Variants in MTFMT observed in about 807,000 individuals in gnomAD.
The protein encoded by MTFMT is methionyl-tRNA formyltransferase, mitochondrial.
A neutral mutation model predicts 51.8 loss-of-function variants in MTFMT; 47 were observed. The ratio of observed to expected loss-of-function variants is 0.91; its 90% confidence interval spans 0.72 to 1.16. The LOEUF is 1.16. Among genes scored for constraint, MTFMT ranks in the 50% most tolerant of loss-of-function variants. MTFMT has a pLI of 0.00. For missense variants in MTFMT, 512 were observed against 482.3 expected, an observed-to-expected ratio of 1.06 and a Z score of -0.58; for synonymous variants, 196 against 176.7, an observed-to-expected ratio of 1.11 and a Z score of -0.87.
chr15:65,022,345 C>T (rs144530371), intron 3 of MTFMT, among the ~76,000 whole-genome samples: 2,540 of 151,840 alleles, frequency 0.017, 31 homozygotes, highest in Admixed American at 0.024. Flanking sequence ...CCTAGCTATT[C>T]GGGAGGCTGC....
chr15:65,020,603 C>T (rs1013868611), intron 4 of MTFMT, among the ~76,000 whole-genome samples: 1 of 152,076 alleles, frequency 6.6e-6, no homozygotes, highest in Admixed American at 6.6e-5. Flanking sequence ...CAGGATAGCC[C>T]GGGCTTGGCT....
chr15:65,009,283 G>T (rs965434773), intron 6 of MTFMT, among the ~76,000 whole-genome samples: 4 of 152,188 alleles, frequency 2.6e-5, no homozygotes, highest in African/African-American at 9.6e-5. Context: ...GGTGCCAAGA[G>T]ATTTCAAGCT....
At chr15:65,012,322 T>TA (rs962117992) in intron 6 of MTFMT, among the ~76,000 whole-genome samples, 1 of 145,476 alleles carries the variant, frequency 6.9e-6, no homozygotes, top group Non-Finnish European at 1.5e-5. Flanking sequence ...ATAATAATAA[T>TA]AAAAAGAACT....
chr15:65,005,139 C>G (rs2086211624), intron 7 of MTFMT, among the ~76,000 whole-genome samples: 1 of 152,196 alleles, frequency 6.6e-6, no homozygotes, highest in Non-Finnish European at 1.5e-5. Context: ...GAAAGCTTCC[C>G]ATGCACATAC....
intron 6 of MTFMT, among the ~76,000 whole-genome samples, chr15:65,008,877 G>A (rs1022798241): frequency 1.3e-5 from 2 of 152,284 alleles, no homozygotes; most frequent in Non-Finnish European, 1.5e-5. Flanking sequence ...TTTACTGAGA[G>A]TAATAAACAT....
intron 2 of MTFMT, chr15:65,025,999 G>C (rs2086420389): frequency 6.6e-6 from 1 of 152,218 alleles, no homozygotes; most frequent in Non-Finnish European, 1.5e-5. Flanking sequence ...GCCCAGGCGA[G>C]TTGAGCAAAG....
intron 2 of MTFMT, among the ~76,000 whole-genome samples, chr15:65,025,255 GTT>G (rs2086412349): frequency 7.4e-6 from 1 of 135,990 alleles, no homozygotes; most frequent in Non-Finnish European, 1.6e-5. Flanking sequence ...AAAAAAAAGA[GTT>G]AGCTGGGTGT....
intron 6 of MTFMT, among the ~76,000 whole-genome samples, chr15:65,010,925 G>C (rs747780483): frequency 1.3e-5 from 2 of 152,106 alleles, no homozygotes; most frequent in Non-Finnish European, 2.9e-5. Context: ...GGTGTGAAGT[G>C]GTATCTCATT....
chr15:65,003,716 C>T (rs188713395), intron 8 of MTFMT, among the ~76,000 whole-genome samples: 12 of 151,642 alleles, frequency 7.9e-5, no homozygotes, highest in South Asian at 2.1e-4. Flanking sequence ...ATTAGCCAGG[C>T]GTGGTGGCGG....
intron 6 of MTFMT, among the ~76,000 whole-genome samples, chr15:65,011,030 T>C (rs556427254): frequency 2.7e-5 from 4 of 150,472 alleles, no homozygotes; most frequent in African/African-American, 9.7e-5. Context: ...TTGAAACAAA[T>C]GTCTACTCAG....
intron 8 of MTFMT, 66 bp from the exon 9 acceptor site, chr15:65,003,322 AG>A (rs2086193015): frequency 7.9e-7 from 1 of 1,262,122 alleles, no homozygotes; most frequent in African/African-American, 1.5e-5. Context: ...AGTAAATATT[AG>A]TTTATAAAAT....
chr15:65,026,296 C>T, intron 2 of MTFMT: 1 of 191,320 alleles, frequency 5.2e-6, no homozygotes. Context: ...CAGCTGCTGG[C>T]TTACCAATGG....
rs574735263 is a variant in MTFMT at position 65,003,657 on chromosome 15, G to A, written c.976-401C>T. Among the ~76,000 whole-genome samples the A allele has an allele frequency of 1.3e-3, 200 of 151,894 alleles. 1 individual carries two copies. The highest frequency in any genetic ancestry group is 4.5e-3 in the African/African-American group (187 of 41,432). ...GGATCACCTGAGGTCAGGAATTCGTGACCAGCCTGACCAACATGGCGAAAC... is the reference window on the plus strand; with the variant it reads ...GGATCACCTGAGGTCAGGAATTCGTAACCAGCCTGACCAACATGGCGAAAC... On this transcript the variant is annotated intron_variant, in intron 8 of 8. Transcript: ENST00000220058.
chr15:65,014,471 G>A (rs2086299334), intron 6 of MTFMT, among the ~76,000 whole-genome samples: 1 of 151,718 alleles, frequency 6.6e-6, no homozygotes, highest in Non-Finnish European at 1.5e-5. Context: ...TTACAGGCAT[G>A]CGCCACTAGG....
chr15:65,028,124 G>C lies in MTFMT; in HGVS notation c.210-1084C>G, dbSNP rs542597544. Among the ~76,000 whole-genome samples, 32 of 152,278 alleles carry C rather than the reference G, an allele frequency of 2.1e-4. 1 individual carries two copies. Among genetic ancestry groups the C allele is most frequent in the African/African-American group, 7.7e-4 (32 of 41,558 alleles). Reference sequence around the variant, plus strand: ...GGAGCTGCCAAGTGAAGCATCATCAGAAGTATCAGGATAGGCCAGGAATGA... The same window carrying C: ...GGAGCTGCCAAGTGAAGCATCATCACAAGTATCAGGATAGGCCAGGAATGA... On this transcript the variant is annotated intron_variant, in intron 1 of 8. Transcript: ENST00000220058.
At chr15:65,013,762 G>A (rs915195391) in intron 6 of MTFMT, among the ~76,000 whole-genome samples, 1 of 151,714 alleles carries the variant, frequency 6.6e-6, no homozygotes, top group African/African-American at 2.4e-5. Flanking sequence ...TGGCCAACAT[G>A]GTGAAACCCC....
intron 6 of MTFMT, among the ~76,000 whole-genome samples, chr15:65,013,362 C>T (rs969600706): frequency 6.6e-6 from 1 of 151,202 alleles, no homozygotes; most frequent in Non-Finnish European, 1.5e-5. Flanking sequence ...GCAATCCTCC[C>T]GCTCAGCCTC....
Position 65,020,235 on chromosome 15 carries a change from C to T in MTFMT, c.683G>A (p.Ser228Asn), listed in dbSNP as rs2086361322. ...CTCCATTGGCTGCTGCCTTCCATTG[C>T]TCAGACTTTCAGGCAAATTTTTCAA... ...SVLKNLPESL[S>N]NGRQQPMEGA... The change falls in exon 5 of 9, where the codon AGC becomes AAC. Residue 228 changes from serine to asparagine, a missense_variant. Coordinates refer to ENST00000220058, the MANE Select transcript of MTFMT (RefSeq NM_139242.4). 6.2e-7 allele frequency: 1 copy of T among 1,611,116 alleles called. No homozygotes were observed. The highest frequency in any genetic ancestry group is 1.3e-5 in the African/African-American group (1 of 74,094).
intron 6 of MTFMT, among the ~76,000 whole-genome samples, chr15:65,015,611 C>T (rs955792167): frequency 2.6e-5 from 4 of 152,070 alleles, no homozygotes; most frequent in Admixed American, 6.6e-5. Flanking sequence ...CTGAGAAGAG[C>T]GGATCACTTG....
Sources: allele counts gnomAD v4.1 joint callset (sites outside exome capture counted in the v4.1 genomes callset), GRCh38; gene constraint gnomAD v4.1.1; transcripts MANE v1.5; gene names NCBI Gene and HGNC (gene_info 2026-07-23, HGNC 2026-07-21).